TEX9: variants seen among roughly 807,000 people sequenced by gnomAD.
The protein encoded by TEX9 is testis expressed 9, also known as testis-expressed protein 9.
TEX9 carries 74 observed loss-of-function variants against 59.6 expected under a neutral mutation model. That is an observed-to-expected ratio of 1.24 (90% CI 1.03 to 1.51). The LOEUF (loss-of-function observed/expected upper bound fraction) is 1.51. Ranked by LOEUF, TEX9 falls within the 40% of genes most tolerant of loss-of-function variation. TEX9 has a pLI of 0.00. For missense variants in TEX9, 522 were observed against 447.8 expected (o/e 1.17, Z -1.49); for synonymous variants, 186 against 152.2 (o/e 1.22, Z -1.64).
intron 4 of TEX9, among the ~76,000 whole-genome samples, chr15:56,386,981 A>C (rs73413962): frequency 0.026 from 4,006 of 151,594 alleles, 179 homozygotes; most frequent in African/African-American, 0.092. Flanking sequence ...GGAAGAATAT[A>C]TTTTAATAGG....
At chr15:56,424,252 A>G (rs1270198792) in intron 10 of TEX9, among the ~76,000 whole-genome samples, 1 of 151,926 alleles carries the variant, frequency 6.6e-6, no homozygotes, top group African/African-American at 2.4e-5. Context: ...CCTTCTTGGT[A>G]TGTTTTAACA....
chr15:56,295,524 C>T lies in TEX9; in HGVS notation c.-107+51246C>T, dbSNP rs192239294. 2.6e-5 allele frequency among the ~76,000 whole-genome samples: 4 copies of T among 152,262 alleles called. No homozygotes were observed. The East Asian group carries it at 7.7e-4, about 29-fold the overall frequency. ...GACCAGGCTGCTTACTAGTTTCTGC[C>T]TTCACTGGCCCTGCTCCTTTAAAAG... On this transcript the variant is annotated intron_variant, in intron 1 of 5. Coordinates refer to the TEX9 transcript ENST00000560827.
At chr15:56,306,031 GAAATGCAAATCA>G (rs1398068864) in intron 1 of TEX9, among the ~76,000 whole-genome samples, 2 of 151,912 alleles carry the variant, frequency 1.3e-5, no homozygotes, top group Admixed American at 1.3e-4. Context: ...ATGCTCAATA[GAAATGCAAATCA>G]AAACTACAAT....
chr15:56,298,645 A>C (rs1446501111), intron 1 of TEX9, among the ~76,000 whole-genome samples: 1 of 152,182 alleles, frequency 6.6e-6, no homozygotes, highest in Non-Finnish European at 1.5e-5. Flanking sequence ...GCTGAACTTG[A>C]AGAAGGAGCC....
At chr15:56,401,825 A>G (rs1437885298) in intron 9 of TEX9, among the ~76,000 whole-genome samples, 1 of 152,208 alleles carries the variant, frequency 6.6e-6, no homozygotes, top group Admixed American at 6.5e-5. Flanking sequence ...GGATTAAGAA[A>G]CTCACTCAAA....
intron 1 of TEX9, among the ~76,000 whole-genome samples, chr15:56,265,203 A>C (rs2044352913): frequency 6.8e-6 from 1 of 146,060 alleles, no homozygotes; most frequent in African/African-American, 2.5e-5. Context: ...TGTGGAGTGT[A>C]GTGGTACCAG....
chr15:56,419,580 A>G (rs2049866582), intron 10 of TEX9, among the ~76,000 whole-genome samples: 1 of 151,774 alleles, frequency 6.6e-6, no homozygotes, highest in Admixed American at 6.5e-5. Context: ...CCTGGGATAT[A>G]TTGCACTTGG....
chr15:56,409,420 T>C (rs1192080630), intron 9 of TEX9, among the ~76,000 whole-genome samples: 5 of 152,182 alleles, frequency 3.3e-5, no homozygotes, highest in African/African-American at 1.2e-4. Flanking sequence ...GATTTTTGAA[T>C]ATATTAAGTG....
At chr15:56,268,509 A>C (rs1347790438) in intron 1 of TEX9, among the ~76,000 whole-genome samples, 3 of 152,166 alleles carry the variant, frequency 2.0e-5, no homozygotes, top group African/African-American at 7.2e-5. Flanking sequence ...ATCAATACCT[A>C]ATTTATTGAG....
chr15:56,438,747 T>C (rs987613678), intron 12 of TEX9, among the ~76,000 whole-genome samples: 2 of 152,206 alleles, frequency 1.3e-5, no homozygotes, highest in African/African-American at 2.4e-5. Context: ...TCTACCCATC[T>C]GACCAAGGGG....
At chr15:56,430,484 G>A (rs1307747208) in intron 12 of TEX9, among the ~76,000 whole-genome samples, 1 of 152,156 alleles carries the variant, frequency 6.6e-6, no homozygotes, top group Non-Finnish European at 1.5e-5. Context: ...GGGATTATAG[G>A]CATGAGTTGC....
At chr15:56,381,611 G>A (rs897300740) in intron 3 of TEX9, among the ~76,000 whole-genome samples, 25 of 152,214 alleles carry the variant, frequency 1.6e-4, no homozygotes, top group Non-Finnish European at 2.2e-4. Flanking sequence ...TTGCAGACTT[G>A]TAGAGGCCTT....
chr15:56,387,986 A>C (rs1236775048), intron 4 of TEX9, among the ~76,000 whole-genome samples: 1 of 152,042 alleles, frequency 6.6e-6, no homozygotes, highest in African/African-American at 2.4e-5. Context: ...AGTACCTGGC[A>C]TATAAACTTT....
rs1555445133 is a variant in TEX9, at chr15:56,413,209, A to ATTATTAAATAATTTAATT, written c.963+774_963+775insTATTAAATAATTTAATTT. On this transcript the variant is annotated intron_variant, in intron 10 of 12. Coordinates refer to ENST00000352903, the Ensembl canonical transcript of TEX9. ...TTAATAATTAAATATTTAATATTTAATAATTAAATAATTTAATTTATTTAA... is the reference window on the plus strand; with the variant it reads ...TTAATAATTAAATATTTAATATTTAATTATTAAATAATTTAATTTAATTAAATAATTTAATTTATTTAA... Among the ~76,000 whole-genome samples the ATTATTAAATAATTTAATT allele has an allele frequency of 3.8e-5, 5 of 132,858 alleles. No individual in the cohort carries two copies. In the South Asian group the frequency reaches 1.2e-3, roughly 31 times the overall value. 87.2% of individuals were successfully genotyped at this position (132,858 alleles called of 152,430 possible).
At chr15:56,255,156 T>C (rs1183380445) in intron 1 of TEX9, among the ~76,000 whole-genome samples, 1 of 152,148 alleles carries the variant, frequency 6.6e-6, no homozygotes, top group African/African-American at 2.4e-5. Context: ...GTGTTCCATA[T>C]AGACTCTGTT....
intron 12 of TEX9, among the ~76,000 whole-genome samples, chr15:56,437,095 T>G (rs2050738872): frequency 6.6e-6 from 1 of 152,184 alleles, no homozygotes; most frequent in Non-Finnish European, 1.5e-5. Context: ...CCTCCCTAAC[T>G]CATTTTATGA....
chr15:56,449,573 A>G (rs1479529962), downstream of TEX9, among the ~76,000 whole-genome samples: 1 of 152,206 alleles, frequency 6.6e-6, no homozygotes, highest in Non-Finnish European at 1.5e-5. Flanking sequence ...TATCGTATTC[A>G]GGTAATGATC....
chr15:56,414,058 A>G (rs765621690), intron 10 of TEX9, among the ~76,000 whole-genome samples: 18 of 151,816 alleles, frequency 1.2e-4, no homozygotes, highest in Non-Finnish European at 1.8e-4. Flanking sequence ...TTCGAGTATT[A>G]TTTCCAATTT....
intron 10 of TEX9, among the ~76,000 whole-genome samples, chr15:56,412,727 A>C (rs1439100242): frequency 6.6e-6 from 1 of 152,076 alleles, no homozygotes; most frequent in African/African-American, 2.4e-5. Flanking sequence ...TCTTAGAAAA[A>C]GTTGTTTAAA....
Sources: gnomAD v4.1 joint callset for allele counts (sites outside exome capture counted in the v4.1 genomes callset) on GRCh38, gnomAD v4.1.1 for gene constraint, MANE v1.5 for transcripts, NCBI Gene and HGNC (gene_info 2026-07-23, HGNC 2026-07-21) for gene names.